EPS8: variants seen among roughly 807,000 people sequenced by gnomAD.
EPS8 encodes the protein epidermal growth factor receptor kinase substrate 8.
In EPS8, 42 loss-of-function variants were observed where a neutral mutation model predicts 103.8. The ratio of observed to expected loss-of-function variants is 0.40; its 90% CI spans 0.32 to 0.52. The LOEUF is 0.52. Among genes scored for constraint, EPS8 ranks in the 20% least tolerant of loss-of-function variants. The pLI is 0.40. For missense variants in EPS8, 969 were observed against 1,005.1 expected (o/e 0.96, Z 0.49); for synonymous variants, 344 against 344.6 (o/e 1.00, Z 0.02).
At chr12:15,654,542 T>C (rs964436822) in intron 12 of EPS8, 1 of 485,600 alleles carries the variant, frequency 2.1e-6, no homozygotes, top group African/African-American at 2.0e-5. Context: ...ATGGGCTGCA[T>C]ATGACTATAG....
chr12:15,622,044 T>C (rs1353458378), intron 20 of EPS8, among the ~76,000 whole-genome samples: 1 of 152,020 alleles, frequency 6.6e-6, no homozygotes, highest in Admixed American at 6.6e-5. Flanking sequence ...ATGCAGAGAA[T>C]AGGAAGAGAA....
chr12:15,705,311 T>G (rs1378669249), intron 1 of EPS8, among the ~76,000 whole-genome samples: 1 of 152,240 alleles, frequency 6.6e-6, no homozygotes, highest in Non-Finnish European at 1.5e-5. Flanking sequence ...TTTTAAAATA[T>G]TCAATGATTT....
intron 10 of EPS8, among the ~76,000 whole-genome samples, chr12:15,659,641 C>T (rs4417353): frequency 0.88 from 133,260 of 152,234 alleles, 60,153 homozygotes; most frequent in Non-Finnish European, 0.98. Flanking sequence ...GTCATATGCT[C>T]ATTATACAAA....
At chr12:15,630,949 G>A (rs932744591) in intron 18 of EPS8, among the ~76,000 whole-genome samples, 4 of 152,138 alleles carry the variant, frequency 2.6e-5, no homozygotes, top group Non-Finnish European at 4.4e-5. Flanking sequence ...ATGTCTTCAG[G>A]CAATATCAAA....
Position 15,775,180 on chromosome 12 carries a change from C to T in EPS8, c.-22+13981G>A, listed in dbSNP as rs1176254278. Reference sequence around the variant, plus strand: ...ATTCATATGGCAGTCTTAAAGTTACCCACATTCAAAATTCAAGACAATAGA... The same window carrying T: ...ATTCATATGGCAGTCTTAAAGTTACTCACATTCAAAATTCAAGACAATAGA... On this transcript the variant is annotated intron_variant, in intron 1 of 20. Coordinates refer to ENST00000281172, the MANE Select transcript of EPS8 (RefSeq NM_004447.6). Among the ~76,000 whole-genome samples the T allele has an allele frequency of 2.6e-5, 4 of 151,974 alleles. No individual in the cohort carries two copies. In the South Asian group the frequency reaches 8.3e-4, roughly 32 times the overall value.
At position 15,650,861 on chromosome 12, in the gene EPS8, G is replaced by A. The variant is rs747454900; in HGVS notation, c.1396C>T (p.His466Tyr). ...CTTTTTATTTCCTGTTTGCGCTGAT[G>A]TTCTGCTACATTTGCCACAGATTCT... The part of the protein sequence containing the change: ...LAESVANVAE[H>Y]QRKQEIKRLS... The change falls in exon 14 of 21, where the codon CAT (histidine) becomes TAT (tyrosine). Residue 466 changes from histidine to tyrosine, a missense_variant. By Grantham distance (83) the His-to-Tyr change is moderately conservative (BLOSUM62 2). Transcript: ENST00000281172. The A allele has an allele frequency of 3.2e-5, 52 of 1,613,814 alleles. 1 individual carries two copies. In the South Asian group the frequency reaches 5.1e-4, roughly 16 times the overall value.
rs1198567251 is a variant in EPS8 at position 15,701,955 on chromosome 12, G to C, written c.-21-18983C>G. 6.6e-6 allele frequency among the ~76,000 whole-genome samples: 1 copy of C among 152,158 alleles called. No individual in the cohort carries two copies. Among genetic ancestry groups the C allele is most frequent in the African/African-American group, 2.4e-5 (1 of 41,446 alleles). On this transcript the variant is annotated intron_variant, in intron 1 of 20. Coordinates refer to ENST00000281172, the MANE Select transcript of EPS8 (RefSeq NM_004447.6). This position sits in a 1 kb window ranked among gnomAD's most constrained non-coding sequence, Gnocchi z 5.1. The stretch of plus-strand genomic sequence containing the variant: ...CTTTCAGTAGAAAGACATCCTTTTA[G>C]ATGTCAAGTCAGCTAATAAGTATTC...
rs1453268183 is a variant in EPS8 at position 15,721,038 on chromosome 12, C to T, written c.-21-38066G>A. Reference sequence around the variant, plus strand: ...TGTCATTTATTTTTGCCCTGTCTGTCCCATTAGAATACATACTTCTTGAGG... The same window carrying T: ...TGTCATTTATTTTTGCCCTGTCTGTTCCATTAGAATACATACTTCTTGAGG... On this transcript the variant is annotated intron_variant, in intron 1 of 20. Coordinates refer to ENST00000281172, the MANE Select transcript of EPS8 (RefSeq NM_004447.6). This position sits in a 1 kb window ranked among gnomAD's most constrained non-coding sequence, Gnocchi z 4.4. Among the ~76,000 whole-genome samples the T allele has an allele frequency of 6.6e-6, 1 of 152,194 alleles. No individual in the cohort carries two copies. The highest frequency in any genetic ancestry group is 1.9e-4 in the East Asian group (1 of 5,194).
Position 15,774,599 on chromosome 12 carries a change from C to T in EPS8, c.-22+14562G>A, listed in dbSNP as rs1480597466. Among the ~76,000 whole-genome samples the T allele has an allele frequency of 2.7e-5, 4 of 146,984 alleles. No homozygotes were observed. The South Asian group carries it at 8.4e-4, about 31-fold the overall frequency. On this transcript the variant is annotated intron_variant, in intron 1 of 20. Coordinates refer to ENST00000281172, the MANE Select transcript of EPS8 (RefSeq NM_004447.6). Reference sequence around the variant, plus strand: ...ATACACATATAAATATATATGTACACATATAAAATATATATACATATATAA... The same window carrying T: ...ATACACATATAAATATATATGTACATATATAAAATATATATACATATATAA...
Position 15,621,243 on chromosome 12 carries a change from C to T in EPS8, c.*74G>A. The T allele has an allele frequency of 1.4e-6, 1 of 691,572 alleles. No homozygotes were observed. The highest frequency in any genetic ancestry group is 2.3e-6 in the Non-Finnish European group (1 of 432,026). The allele number at this position is 691,572 out of a possible 1,614,324, so 42.8% of individuals were successfully genotyped here. A position where few individuals can be genotyped will look rare whatever the true frequency, so the allele number is the denominator to read the frequency against. On this transcript the variant is annotated 3_prime_UTR_variant, in exon 21 of 21. Coordinates refer to ENST00000281172, the MANE Select transcript of EPS8 (RefSeq NM_004447.6). ...ATCAAGAAAAATGAATCTGACATTC[C>T]CTTCAAGGCTTCTTAAAACAAAGCA...
At chr12:15,683,724 T>C (rs1259896628) in intron 1 of EPS8, 1 of 151,984 alleles carries the variant, frequency 6.6e-6, no homozygotes, top group African/African-American at 2.4e-5. Flanking sequence ...TAGTAAAACT[T>C]CCTCTTTACC....
Position 15,695,252 on chromosome 12 carries a change from A to C in EPS8, c.-21-12280T>G, listed in dbSNP as rs1208008931. 6.6e-6 allele frequency among the ~76,000 whole-genome samples: 1 copy of C among 152,224 alleles called. No individual in the cohort carries two copies. The highest frequency in any genetic ancestry group is 1.5e-5 in the Non-Finnish European group (1 of 68,038). ...TCAACATGGATTAATTAAAAACTAA[A>C]ATAACTTTTAAACATGATTATTCAA... On this transcript the variant is annotated intron_variant, in intron 1 of 20. Coordinates refer to ENST00000281172, the MANE Select transcript of EPS8 (RefSeq NM_004447.6). This position sits in a 1 kb window ranked among gnomAD's most constrained non-coding sequence, Gnocchi z 5.0.
intron 1 of EPS8, among the ~76,000 whole-genome samples, chr12:15,691,354 A>T (rs895742706): frequency 8.6e-5 from 13 of 151,994 alleles, no homozygotes; most frequent in Admixed American, 2.0e-4. Flanking sequence ...CAGCCTGGTC[A>T]ACATAGTAAG....
At chr12:15,729,643 A>G (rs1002703435) in intron 1 of EPS8, among the ~76,000 whole-genome samples, 2 of 152,054 alleles carry the variant, frequency 1.3e-5, no homozygotes, top group African/African-American at 2.4e-5. Context: ...TCATTTAGTC[A>G]GTGTATTTTT....
rs915953027 is a variant in EPS8, at chr12:15,785,219, A to G, written c.-22+3942T>C. On this transcript the variant is annotated intron_variant, in intron 1 of 20. Transcript: ENST00000281172. This position sits in a 1 kb window ranked among gnomAD's most constrained non-coding sequence, Gnocchi z 4.9. ...GTGTGCTACAATCTCACTGAAAAGG[A>G]TAGGAGGAAAGGTGCTTAGCTGACT... is the stretch of plus-strand genomic sequence containing the variant. Among the ~76,000 whole-genome samples the G allele has an allele frequency of 4.6e-5, 7 of 152,262 alleles. No homozygotes were observed. The highest frequency in any genetic ancestry group is 1.3e-4 in the Admixed American group (2 of 15,298).
chr12:15,699,269 T>C (rs113216121), intron 1 of EPS8, among the ~76,000 whole-genome samples: 8 of 152,352 alleles, frequency 5.3e-5, no homozygotes, highest in African/African-American at 1.9e-4. Context: ...TTGTGGTATT[T>C]TGCCATAGTG....
intron 3 of EPS8, among the ~76,000 whole-genome samples, chr12:15,673,411 G>A (rs1254693229): frequency 1.3e-5 from 2 of 152,066 alleles, no homozygotes; most frequent in African/African-American, 4.8e-5. Context: ...TTTCCTAAAA[G>A]GCAATTATAA....
chr12:15,775,303 T>A (rs905284929), intron 1 of EPS8, among the ~76,000 whole-genome samples: 16 of 152,076 alleles, frequency 1.1e-4, no homozygotes, highest in Non-Finnish European at 1.5e-5. Flanking sequence ...CCCAAAAGCT[T>A]GCAGGAAAAA....
intron 1 of EPS8, among the ~76,000 whole-genome samples, chr12:15,720,370 C>G (rs550980223): frequency 3.3e-5 from 5 of 152,182 alleles, no homozygotes; most frequent in Admixed American, 2.6e-4. Flanking sequence ...CTAGGCTACA[C>G]TTGAACCCCT....
Sources: allele counts gnomAD v4.1 joint callset (sites outside exome capture counted in the v4.1 genomes callset), GRCh38; gene constraint gnomAD v4.1.1; non-coding constraint Gnocchi (gnomAD v3.1); transcripts MANE v1.5; gene names NCBI Gene and HGNC (gene_info 2026-07-23, HGNC 2026-07-21).